Variants in GPC6 observed in about 807,000 individuals in gnomAD.
GPC6 encodes the protein glypican 6.
In GPC6, 14 loss-of-function variants were observed where a neutral mutation model predicts 55.2. The ratio of observed to expected loss-of-function variants is 0.25; its 90% CI spans 0.17 to 0.40. GPC6 has a LOEUF of 0.40. Among genes scored for constraint, GPC6 ranks in the 10% least tolerant of loss-of-function variants. GPC6 has a pLI of 1.00. For missense variants in GPC6, 641 were observed against 708.5 expected, an observed-to-expected ratio of 0.90 and a Z score of 1.08; for synonymous variants, 278 against 259.6, an observed-to-expected ratio of 1.07 and a Z score of -0.68.
At chr13:94,327,426 C>T (rs146461202) in intron 6 of GPC6, among the ~76,000 whole-genome samples, 98 of 152,262 alleles carry the variant, frequency 6.4e-4, no homozygotes, top group Admixed American at 1.9e-3. Context: ...CCACCATGTC[C>T]CCCATCTCTA....
At chr13:94,287,677 C>G (rs1892567586) in intron 5 of GPC6, among the ~76,000 whole-genome samples, 1 of 152,120 alleles carries the variant, frequency 6.6e-6, no homozygotes, top group Admixed American at 6.6e-5. Context: ...TTACCATCAC[C>G]TGTTGGGGAA....
intron 2 of GPC6, among the ~76,000 whole-genome samples, chr13:93,801,624 G>A (rs1272624962): frequency 6.6e-6 from 1 of 152,122 alleles, no homozygotes; most frequent in East Asian, 1.9e-4. Context: ...AGAAGAGAGA[G>A]TTTTCTACCT....
chr13:93,255,341 T>C (rs1876917069), intron 1 of GPC6, among the ~76,000 whole-genome samples: 1 of 152,218 alleles, frequency 6.6e-6, no homozygotes, highest in South Asian at 2.1e-4. Flanking sequence ...CTTTTTATAC[T>C]AGAACCATTC....
chr13:93,947,467 T>C (rs1384094899), intron 3 of GPC6, among the ~76,000 whole-genome samples: 2 of 152,190 alleles, frequency 1.3e-5, no homozygotes, highest in African/African-American at 2.4e-5. Context: ...GAGTTTACTA[T>C]GAAAAACAGT....
intron 3 of GPC6, among the ~76,000 whole-genome samples, chr13:94,007,032 C>T (rs974159913): frequency 1.3e-5 from 2 of 152,112 alleles, no homozygotes; most frequent in Non-Finnish European, 2.9e-5. Context: ...TGTTTCTCTG[C>T]GTAACTTACA....
At chr13:93,578,557 T>G (rs1876778938) in intron 2 of GPC6, among the ~76,000 whole-genome samples, 1 of 151,878 alleles carries the variant, frequency 6.6e-6, no homozygotes, top group East Asian at 1.9e-4. Context: ...ATTTTCATTT[T>G]TTATTTTATT....
intron 2 of GPC6, among the ~76,000 whole-genome samples, chr13:93,698,803 T>G (rs558173075): frequency 6.6e-6 from 1 of 152,102 alleles, no homozygotes; most frequent in African/African-American, 2.4e-5. Context: ...CTTTTCCCTC[T>G]CTCCTCCCCT....
chr13:94,208,640 C>T (rs553527488), intron 4 of GPC6, among the ~76,000 whole-genome samples: 4 of 150,876 alleles, frequency 2.7e-5, no homozygotes, highest in South Asian at 4.2e-4. Context: ...TTTGCTTTAG[C>T]GCTAGACACA....
At chr13:93,920,535 C>T (rs1450132086) in intron 3 of GPC6, among the ~76,000 whole-genome samples, 1 of 152,186 alleles carries the variant, frequency 6.6e-6, no homozygotes. Context: ...CCCTATACTG[C>T]TCTTCTTTCT....
At chr13:93,391,519 A>G (rs74108513) in intron 1 of GPC6, among the ~76,000 whole-genome samples, 2 of 152,220 alleles carry the variant, frequency 1.3e-5, no homozygotes, top group Non-Finnish European at 2.9e-5. Context: ...TTTCAGGAGT[A>G]AGTGTTGCTT....
chr13:94,316,341 G>A (rs1164763643), intron 6 of GPC6, among the ~76,000 whole-genome samples: 1 of 152,148 alleles, frequency 6.6e-6, no homozygotes, highest in Non-Finnish European at 1.5e-5. Context: ...CCAGAGCAAA[G>A]GATCCCACCC....
intron 4 of GPC6, among the ~76,000 whole-genome samples, chr13:94,031,667 C>T (rs1000720355): frequency 4.0e-4 from 61 of 152,166 alleles, no homozygotes; most frequent in Non-Finnish European, 3.2e-4. Context: ...TGCCCAAATG[C>T]AAAATGGTTT....
chr13:93,677,830 G>A (rs1278265815), intron 2 of GPC6, among the ~76,000 whole-genome samples: 1 of 152,090 alleles, frequency 6.6e-6, no homozygotes, highest in Admixed American at 6.6e-5. Flanking sequence ...TCAACTTGTT[G>A]AGCAGGCATT....
intron 7 of GPC6, among the ~76,000 whole-genome samples, chr13:94,392,715 T>C (rs1204348166): frequency 2.5e-5 from 1 of 40,520 alleles, no homozygotes; most frequent in Non-Finnish European, 4.7e-5. Context: ...CCTCAGGTGA[T>C]CCACCCTCTT....
chr13:94,071,254 G>T (rs181542650), intron 4 of GPC6, among the ~76,000 whole-genome samples: 2 of 152,156 alleles, frequency 1.3e-5, no homozygotes, highest in Admixed American at 1.3e-4. Context: ...AGTCTTTCGT[G>T]TAGAGGGTTT....
At chr13:93,976,091 C>T (rs1378875054) in intron 3 of GPC6, among the ~76,000 whole-genome samples, 1 of 152,062 alleles carries the variant, frequency 6.6e-6, no homozygotes, top group Non-Finnish European at 1.5e-5. Context: ...TCCAGCACTC[C>T]TCCATTGAGC....
intron 1 of GPC6, among the ~76,000 whole-genome samples, chr13:93,351,140 TA>T (rs1257590978): frequency 6.6e-6 from 1 of 152,080 alleles, no homozygotes; most frequent in Admixed American, 6.5e-5. Flanking sequence ...GTATTATGCT[TA>T]AAAAAATTTG....
At chr13:93,571,745 C>T (rs1876416873) in intron 2 of GPC6, among the ~76,000 whole-genome samples, 1 of 152,126 alleles carries the variant, frequency 6.6e-6, no homozygotes, top group Non-Finnish European at 1.5e-5. Context: ...CTCTCATCCA[C>T]AGTTTTTCAC....
intron 6 of GPC6, among the ~76,000 whole-genome samples, chr13:94,364,628 T>C (rs560582233): frequency 5.8e-4 from 89 of 152,298 alleles, no homozygotes; most frequent in Non-Finnish European, 1.2e-3. Context: ...CGTTTATGTG[T>C]ATATATCATC....
Sources: allele counts gnomAD v4.1 joint callset (sites outside exome capture counted in the v4.1 genomes callset), GRCh38; gene constraint gnomAD v4.1.1; transcripts MANE v1.5; gene names NCBI Gene and HGNC (gene_info 2026-07-23, HGNC 2026-07-21).